Variants in EBF3 observed in about 807,000 individuals in gnomAD.
EBF3 encodes the protein EBF transcription factor 3.
EBF3 carries 18 observed loss-of-function variants against 77.1 expected under a neutral mutation model. That is an observed-to-expected ratio of 0.23 (90% CI 0.16 to 0.35). EBF3 has a LOEUF of 0.35. Among genes scored for constraint, EBF3 ranks in the 10% least tolerant of loss-of-function variants. EBF3 has a pLI of 1.00. For synonymous variants in EBF3, 350 were observed against 343.5 expected, an observed-to-expected ratio of 1.02 and a Z score of -0.21; for missense variants, 558 against 860.0, an observed-to-expected ratio of 0.65 and a Z score of 4.39.
intron 15 of EBF3, among the ~76,000 whole-genome samples, 173 bp from the exon 16 acceptor site, chr10:129,839,368 A>C (rs1190454359): frequency 1.3e-5 from 2 of 152,154 alleles, no homozygotes; most frequent in African/African-American, 4.8e-5. Context: ...ACAAAGGGCC[A>C]CTCGCAAGTT....
chr10:129,959,039 C>T (rs376446647), intron 4 of EBF3, 32 bp from the exon 5 acceptor site: 64 of 1,595,830 alleles, frequency 4.0e-5, no homozygotes, highest in Admixed American at 3.9e-4. Context: ...GCTGGGGTTA[C>T]GCGGCGCCCG....
chr10:129,868,107 G>A (rs1589746350), intron 8 of EBF3, among the ~76,000 whole-genome samples, 195 bp from the exon 9 acceptor site: 3 of 152,382 alleles, frequency 2.0e-5, no homozygotes, highest in Non-Finnish European at 2.9e-5. Context: ...ATAAAGGAAA[G>A]GCCGAGCTGC....
In EBF3 at chr10:129,963,570, C is replaced by T; in HGVS notation, c.135-47G>A. On this transcript the variant is annotated intron_variant, in intron 1 of 16. Coordinates refer to ENST00000440978, the MANE Select transcript of EBF3 (RefSeq NM_001375380.1). The surrounding 1 kb of genome is among the most constrained non-coding windows in gnomAD (Gnocchi z 7.1). Reference sequence around the variant, plus strand: ...GGCCCGGTGAGGAGCGCGGCGCCGGCCGGCGGAGGGGGCCGGGCCGGGCCG... The same window carrying T: ...GGCCCGGTGAGGAGCGCGGCGCCGGTCGGCGGAGGGGGCCGGGCCGGGCCG... 7.7e-7 allele frequency: 1 copy of T among 1,293,150 alleles called. No individual in the cohort carries two copies. 80.1% of individuals were successfully genotyped at this position (1,293,150 alleles called of 1,614,324 possible). A position where few individuals can be genotyped will look rare whatever the true frequency, so the allele number is the denominator to read the frequency against.
At chr10:129,921,718 G>A (rs1856325836) in intron 6 of EBF3, among the ~76,000 whole-genome samples, 1 of 152,228 alleles carries the variant, frequency 6.6e-6, no homozygotes, top group African/African-American at 2.4e-5. Context: ...ACCCCTGGGG[G>A]TTGTCCCAGC....
At chr10:129,930,367 A>G (rs1856924027) in intron 6 of EBF3, among the ~76,000 whole-genome samples, 1 of 151,334 alleles carries the variant, frequency 6.6e-6, no homozygotes, top group African/African-American at 2.4e-5. Context: ...ATATTAACAA[A>G]TCCCCCTCTC....
At position 129,886,033 on chromosome 10, in the gene EBF3, A is replaced by AT. The variant is rs59542647; in HGVS notation, c.555-8185dup. On this transcript the variant is annotated intron_variant, in intron 6 of 16. Transcript: ENST00000440978. ...TGAGGGGGTGTTGTTTTTGGTTTTA[A>AT]TTTTTTTTTTTTTTTTTTTTTTTTT... 3.1e-3 allele frequency among the ~76,000 whole-genome samples: 388 copies of AT among 126,224 alleles called. 4 individuals carry two copies. Among genetic ancestry groups the AT allele is most frequent in the Non-Finnish European group, 5.1e-3 (307 of 60,546 alleles). 82.8% of individuals were successfully genotyped at this position (126,224 alleles called of 152,430 possible).
At chr10:129,936,425 G>A (rs936226363) in intron 6 of EBF3, among the ~76,000 whole-genome samples, 4 of 152,234 alleles carry the variant, frequency 2.6e-5, no homozygotes, top group African/African-American at 7.2e-5. Context: ...CCCAGGCCCC[G>A]GCTTGCTGAG....
At chr10:129,911,391 T>C (rs1231084934) in intron 6 of EBF3, among the ~76,000 whole-genome samples, 2 of 152,200 alleles carry the variant, frequency 1.3e-5, no homozygotes, top group African/African-American at 4.8e-5. Context: ...GCCCTTTCTC[T>C]CTAGACCCTG....
intron 6 of EBF3, 124 bp from the exon 7 acceptor site, chr10:129,877,973 T>TA (rs1422546911): frequency 2.8e-6 from 2 of 723,898 alleles, no homozygotes; most frequent in Non-Finnish European, 4.4e-6. Flanking sequence ...CACTTCCCTC[T>TA]AGGGGGCGAC....
In EBF3 at chr10:129,861,172, T is replaced by C. The variant is rs900162691; in HGVS notation, c.1039+5969A>G. 6.6e-6 allele frequency among the ~76,000 whole-genome samples: 1 copy of C among 152,168 alleles called. No individual in the cohort carries two copies. Among genetic ancestry groups the C allele is most frequent in the African/African-American group, 2.4e-5 (1 of 41,448 alleles). On this transcript the variant is annotated intron_variant, in intron 10 of 16. Transcript: ENST00000440978. The surrounding 1 kb of genome is among the most constrained non-coding windows in gnomAD (Gnocchi z 4.3). The stretch of plus-strand genomic sequence containing the variant: ...TTGGGTTGATGCTGTGCCGTAGCAG[T>C]GGGGAGGACAGCGGTGGGAGCCTGC...
chr10:129,941,573 A>AG (rs1379005041), intron 6 of EBF3, among the ~76,000 whole-genome samples: 1 of 152,094 alleles, frequency 6.6e-6, no homozygotes, highest in East Asian at 1.9e-4. Flanking sequence ...CCAAAGGGTC[A>AG]GGGGGGAGCC....
intron 6 of EBF3, among the ~76,000 whole-genome samples, chr10:129,925,072 G>A (rs1856571755): frequency 8.6e-6 from 1 of 115,612 alleles, no homozygotes; most frequent in African/African-American, 3.7e-5. Context: ...AAAATGTGGT[G>A]TGTGTGTGCA....
At chr10:129,909,063 C>G (rs1351045800) in intron 6 of EBF3, among the ~76,000 whole-genome samples, 1 of 152,248 alleles carries the variant, frequency 6.6e-6, no homozygotes, top group Non-Finnish European at 1.5e-5. Context: ...AGAAGTTACT[C>G]TGCCCCTTGG....
rs1024325994 is a variant in EBF3 at position 129,864,487 on chromosome 10, T to TA, written c.1039+2653dup. On this transcript the variant is annotated intron_variant, in intron 10 of 16. Transcript: ENST00000440978. This position sits in a 1 kb window ranked among gnomAD's most constrained non-coding sequence, Gnocchi z 4.4. ...TGGACCTTTCAGCAATCTTCTTTCT[T>TA]AAAAAAGTCTCATTTCTAACAATAG... is the stretch of plus-strand genomic sequence containing the variant. Among the ~76,000 whole-genome samples the TA allele has an allele frequency of 7.2e-5, 11 of 152,238 alleles. No individual in the cohort carries two copies. The highest frequency in any genetic ancestry group is 6.8e-3 in the Middle Eastern group (2 of 294).
At chr10:129,931,944 C>T (rs1198201304) in intron 6 of EBF3, among the ~76,000 whole-genome samples, 4 of 152,126 alleles carry the variant, frequency 2.6e-5, no homozygotes, top group Non-Finnish European at 2.9e-5. Context: ...CAGATGTTTT[C>T]AGAGGTGACC....
At chr10:129,945,193 GCCTGGGGGGATCTGGA>G (rs1858109184) in intron 6 of EBF3, among the ~76,000 whole-genome samples, 1 of 117,610 alleles carries the variant, frequency 8.5e-6, no homozygotes, top group Admixed American at 8.7e-5. Context: ...GGGGAGGGAG[GCCTGGGGGGATCTGGA>G]GGCAGAAGCG....
rs1850102476 is a variant in EBF3 at position 129,842,072 on chromosome 10, CGGAGG to C, written c.1372+39_1372+43del. 6.2e-7 allele frequency: 1 copy of C among 1,612,710 alleles called. No homozygotes were observed. The highest frequency in any genetic ancestry group is 1.1e-5 in the South Asian group (1 of 90,896). On this transcript the variant is annotated intron_variant, in intron 13 of 16. Coordinates refer to ENST00000440978, the MANE Select transcript of EBF3 (RefSeq NM_001375380.1). This position sits in a 1 kb window ranked among gnomAD's most constrained non-coding sequence, Gnocchi z 4.4. ...TTCAGCTAAGGCCTCAACCAACCCT[CGGAGG>C]GCGTTCAGGGCAGGGGTCCTCCCAG...
rs182503290 is a variant in EBF3 at position 129,842,491 on chromosome 10, C to A, written c.1195-198G>T. On this transcript the variant is annotated intron_variant, in intron 12 of 16. Coordinates refer to ENST00000440978, the MANE Select transcript of EBF3 (RefSeq NM_001375380.1). This position sits in a 1 kb window ranked among gnomAD's most constrained non-coding sequence, Gnocchi z 4.4. ...AAAGTGTGCAATATCTGGCTGGGCA[C>A]GGTGGCTCACTCCTGTAATCCCAGC... Among the ~76,000 whole-genome samples the A allele has an allele frequency of 1.3e-5, 2 of 152,288 alleles. No individual in the cohort carries two copies. The highest frequency in any genetic ancestry group is 3.9e-4 in the East Asian group (2 of 5,160).
intron 15 of EBF3, among the ~76,000 whole-genome samples, chr10:129,839,693 A>G (rs1309317392): frequency 6.6e-6 from 1 of 152,214 alleles, no homozygotes; most frequent in African/African-American, 2.4e-5. Flanking sequence ...GGCCCAGCAG[A>G]TAAGGTGGAG....
Sources: gnomAD v4.1 joint callset for allele counts (sites outside exome capture counted in the v4.1 genomes callset) on GRCh38, gnomAD v4.1.1 for gene constraint, Gnocchi (gnomAD v3.1) non-coding constraint, MANE v1.5 for transcripts, NCBI Gene and HGNC (gene_info 2026-07-23, HGNC 2026-07-21) for gene names.